Variants in CSMD1 observed in about 807,000 individuals in gnomAD.
CSMD1 encodes CUB and sushi domain-containing protein 1.
A neutral mutation model predicts 417.5 loss-of-function variants in CSMD1; 213 were observed. The observed-to-expected ratio is 0.51, with a 90% CI of 0.46 to 0.57. The LOEUF (loss-of-function observed/expected upper bound fraction) is 0.57. Among genes scored for constraint, CSMD1 ranks in the 20% least tolerant of loss-of-function variants. The probability of loss-of-function intolerance (pLI) is 0.00; values close to 1 mark genes in which losing one functional copy is unlikely to be tolerated. For synonymous variants in CSMD1, 2,862 were observed against 1,736.8 expected, an observed-to-expected ratio of 1.65 and a Z score of -16.11; for missense variants, 6,923 against 4,529.7, an observed-to-expected ratio of 1.53 and a Z score of -15.17.
intron 18 of CSMD1, among the ~76,000 whole-genome samples, chr8:3,386,975 T>A (rs1585088735): frequency 6.6e-6 from 1 of 152,190 alleles, no homozygotes; most frequent in East Asian, 1.9e-4. Context: ...AAGAGAAGAT[T>A]TGTGTAGGAC....
At chr8:3,706,305 T>C (rs755137255) in intron 7 of CSMD1, among the ~76,000 whole-genome samples, 1 of 152,376 alleles carries the variant, frequency 6.6e-6, no homozygotes, top group South Asian at 2.1e-4. Context: ...ATAAGGCATA[T>C]ACTTGCACAG....
At chr8:3,618,562 C>G (rs1014865554) in intron 7 of CSMD1, among the ~76,000 whole-genome samples, 4 of 151,330 alleles carry the variant, frequency 2.6e-5, no homozygotes, top group African/African-American at 9.7e-5. Context: ...GTTTAATTTT[C>G]TCAATATTAT....
At chr8:3,603,668 T>G (rs1801470063) in intron 8 of CSMD1, among the ~76,000 whole-genome samples, 1 of 152,238 alleles carries the variant, frequency 6.6e-6, no homozygotes, top group Non-Finnish European at 1.5e-5. Flanking sequence ...AAACCAAACT[T>G]GAATGTTTTT....
chr8:3,416,212 G>C (rs1166144369), intron 12 of CSMD1, among the ~76,000 whole-genome samples: 1 of 146,370 alleles, frequency 6.8e-6, no homozygotes, highest in South Asian at 2.2e-4. Context: ...TGAGGCAGGA[G>C]AATGGTGTGA....
At chr8:4,194,453 G>T (rs1799215127) in intron 3 of CSMD1, among the ~76,000 whole-genome samples, 1 of 152,126 alleles carries the variant, frequency 6.6e-6, no homozygotes, top group Admixed American at 6.5e-5. Flanking sequence ...ACAAAGGCCT[G>T]AATTACAATA....
At chr8:4,304,716 G>A (rs971018486) in intron 3 of CSMD1, among the ~76,000 whole-genome samples, 2 of 152,114 alleles carry the variant, frequency 1.3e-5, no homozygotes, top group African/African-American at 4.8e-5. Flanking sequence ...CCTACAAGGA[G>A]AGCCAACTAA....
chr8:4,774,519 A>G (rs1049478742), intron 1 of CSMD1, among the ~76,000 whole-genome samples: 1 of 152,198 alleles, frequency 6.6e-6, no homozygotes, highest in African/African-American at 2.4e-5. Flanking sequence ...ACTTTATAAA[A>G]AAGAATATCA....
intron 10 of CSMD1, among the ~76,000 whole-genome samples, chr8:3,523,808 TACAC>T (rs898073815): frequency 3.4e-5 from 4 of 118,318 alleles, no homozygotes; most frequent in South Asian, 2.8e-4. Flanking sequence ...CATGTGCACA[TACAC>T]ACACGCACAT....
chr8:3,311,751 T>C (rs1489343428), intron 23 of CSMD1, among the ~76,000 whole-genome samples: 3 of 152,064 alleles, frequency 2.0e-5, no homozygotes, highest in Admixed American at 6.6e-5. Flanking sequence ...ATTTTGACAA[T>C]AAATTATGTT....
chr8:4,920,851 GAAAAGAAAAGAAAAGAA>G (rs1806391727), intron 1 of CSMD1, among the ~76,000 whole-genome samples: 1,636 of 61,868 alleles, frequency 0.026, 291 homozygotes, highest in African/African-American at 0.036. Context: ...CGAAAGAAAA[GAAAAGAAAAGAAAAGAA>G]AAGAAAAGAA....
chr8:3,364,007 T>A (rs1002587095), intron 20 of CSMD1, among the ~76,000 whole-genome samples: 1 of 152,182 alleles, frequency 6.6e-6, no homozygotes, highest in Non-Finnish European at 1.5e-5. Flanking sequence ...ACTGCTTTAA[T>A]AAGGCCTTCT....
In CSMD1 at chr8:4,624,027, C is replaced by T. The variant is rs553018440; in HGVS notation, c.302+13315G>A. ...AATGTGAATAATTGTAACTAAAGGA[C>T]TCATTCATCAAGCTAGTATTCAAAA... On this transcript the variant is annotated intron_variant, in intron 2 of 69. Transcript: ENST00000635120. 1.6e-4 allele frequency among the ~76,000 whole-genome samples: 24 copies of T among 152,182 alleles called. No individual in the cohort carries two copies. The East Asian group carries it at 2.7e-3, about 17-fold the overall frequency.
chr8:3,264,726 G>T, intron 26 of CSMD1, among the ~76,000 whole-genome samples: 1 of 152,158 alleles, frequency 6.6e-6, no homozygotes, highest in Non-Finnish European at 1.5e-5. Flanking sequence ...GGAAATGATT[G>T]CTAATAGAGT....
intron 7 of CSMD1, among the ~76,000 whole-genome samples, chr8:3,627,642 A>G (rs563581786): frequency 6.6e-6 from 1 of 152,332 alleles, no homozygotes; most frequent in African/African-American, 2.4e-5. Flanking sequence ...CTATGAGATA[A>G]TAATAAAACA....
chr8:3,723,807 C>T (rs905273150), intron 6 of CSMD1, among the ~76,000 whole-genome samples: 38 of 152,142 alleles, frequency 2.5e-4, no homozygotes, highest in Non-Finnish European at 1.2e-4. Context: ...AAAATGACCG[C>T]AACTTACTGC....
At chr8:4,436,704 C>G (rs774134955) in intron 2 of CSMD1, among the ~76,000 whole-genome samples, 5 of 152,084 alleles carry the variant, frequency 3.3e-5, no homozygotes, top group Non-Finnish European at 7.4e-5. Flanking sequence ...GGTAACCATC[C>G]TACTCCCTAT....
At chr8:3,004,549 AATTC>A (rs1302800564) in intron 52 of CSMD1, among the ~76,000 whole-genome samples, 1 of 152,216 alleles carries the variant, frequency 6.6e-6, no homozygotes. Context: ...TGCAACTGTA[AATTC>A]ATATGATTTT....
chr8:3,279,099 G>C (rs1029898822), intron 26 of CSMD1: 14 of 152,306 alleles, frequency 9.2e-5, no homozygotes, highest in African/African-American at 3.1e-4. Flanking sequence ...ACATTTTGTG[G>C]AGAGTAGCTG....
At chr8:4,276,807 C>T (rs890232397) in intron 3 of CSMD1, among the ~76,000 whole-genome samples, 1 of 152,026 alleles carries the variant, frequency 6.6e-6, no homozygotes, top group Non-Finnish European at 1.5e-5. Flanking sequence ...GTGGTTTTCC[C>T]TGAGAACTAA....
Sources: gnomAD v4.1 joint callset for allele counts (sites outside exome capture counted in the v4.1 genomes callset) on GRCh38, gnomAD v4.1.1 for gene constraint, MANE v1.5 for transcripts, NCBI Gene and HGNC (gene_info 2026-07-23, HGNC 2026-07-21) for gene names.